The following CC2D2B variants were observed in gnomAD, a reference collection of about 807,000 sequenced individuals.
CC2D2B encodes the protein protein CC2D2B.
CC2D2B carries 128 observed loss-of-function variants against 161.2 expected under a neutral mutation model. That is an observed-to-expected ratio of 0.79 (90% CI 0.69 to 0.92). The LOEUF (loss-of-function observed/expected upper bound fraction) is 0.92, where lower values mean the gene tolerates loss of function less well. Ranked by LOEUF, CC2D2B falls within the 40% of genes least tolerant of loss-of-function variation. CC2D2B has a pLI of 0.00. For missense variants in CC2D2B, 1,173 were observed against 1,375.1 expected (o/e 0.85, Z 2.32); for synonymous variants, 391 against 449.8 (o/e 0.87, Z 1.65).
chr10:96,019,123 A>G, intron 30 of CC2D2B, 80 bp from the exon 31 acceptor site: 1 of 1,250,998 alleles, frequency 8.0e-7, no homozygotes, highest in African/African-American at 1.5e-5. Flanking sequence ...GGCTTTAAAA[A>G]TTAGAATCAT....
intron 12 of CC2D2B, among the ~76,000 whole-genome samples, chr10:95,963,697 A>G (rs2076845282): frequency 6.6e-6 from 1 of 152,214 alleles, no homozygotes; most frequent in African/African-American, 2.4e-5. Context: ...CCCAGAGGCA[A>G]GGAAACAGGA....
rs780557061 is a variant in CC2D2B at position 96,027,297 on chromosome 10, C to G, written c.4033C>G (p.Arg1345Gly). 13 of 1,551,098 alleles carry G rather than the reference C, an allele frequency of 8.4e-6. No homozygotes were observed. The Admixed American group carries it at 1.2e-4, about 14-fold the overall frequency. Residue 1345 changes from arginine to glycine, a missense_variant, in exon 34 of 35, where the codon CGA becomes GGA. Arg to Gly is a moderately radical substitution (Grantham distance 125). Coordinates refer to ENST00000646931, the MANE Select transcript of CC2D2B (RefSeq NM_001349008.3). ...GAATCGACAGTGTACTTTTATTTTG[C>G]GACAAATCCTTCCTAAGCTGGAATT... ...HWNRQCTFIL[R>G]QILPKLEFGI...
intron 34 of CC2D2B, among the ~76,000 whole-genome samples, chr10:96,029,812 G>T (rs2079989174): frequency 9.2e-6 from 1 of 108,632 alleles, no homozygotes; most frequent in Non-Finnish European, 1.9e-5. Flanking sequence ...TTTTATTGTT[G>T]TTTTGTTTTT....
intron 10 of CC2D2B, among the ~76,000 whole-genome samples, chr10:95,952,020 G>T (rs1464164666): frequency 6.6e-6 from 1 of 152,138 alleles, no homozygotes; most frequent in Non-Finnish European, 1.5e-5. Flanking sequence ...GAGCAGTGGG[G>T]AAGAGAAGAA....
chr10:96,031,389 G>A (rs140158545), intron 34 of CC2D2B, among the ~76,000 whole-genome samples: 11 of 152,308 alleles, frequency 7.2e-5, no homozygotes, highest in Non-Finnish European at 1.6e-4. Context: ...ATGGGACCAT[G>A]TTCCACAATC....
At chr10:95,978,292 C>G (rs2077390911) in intron 17 of CC2D2B, among the ~76,000 whole-genome samples, 1 of 152,178 alleles carries the variant, frequency 6.6e-6, no homozygotes, top group Admixed American at 6.5e-5. Context: ...TCAAATATTA[C>G]TTCTTCCCCA....
intron 1 of CC2D2B, among the ~76,000 whole-genome samples, chr10:95,909,387 G>A (rs959885545): frequency 6.6e-6 from 1 of 152,148 alleles, no homozygotes; most frequent in Admixed American, 6.5e-5. Flanking sequence ...CATCATAACT[G>A]TGAATGAGAC....
intron 21 of CC2D2B, 98 bp from the exon 22 acceptor site, chr10:95,992,429 G>C (rs2077993917): frequency 4.3e-6 from 4 of 940,264 alleles, no homozygotes; most frequent in Non-Finnish European, 4.2e-6. Flanking sequence ...AGAGAATATG[G>C]TTTAGAATAA....
intron 33 of CC2D2B, among the ~76,000 whole-genome samples, chr10:96,025,174 T>TTAA (rs2079669554): frequency 6.6e-5 from 1 of 15,100 alleles, no homozygotes; most frequent in Admixed American, 9.0e-4. Context: ...TATATATATA[T>TTAA]ATATATATAT....
At chr10:96,002,674 T>C (rs1383718216) in intron 24 of CC2D2B, among the ~76,000 whole-genome samples, 1 of 152,314 alleles carries the variant, frequency 6.6e-6, no homozygotes, top group South Asian at 2.1e-4. Context: ...AGCTAGTTAT[T>C]TTATCACTAG....
At chr10:95,978,954 T>C (rs2141566414) in intron 17 of CC2D2B, among the ~76,000 whole-genome samples, 1 of 152,374 alleles carries the variant, frequency 6.6e-6, no homozygotes, top group Non-Finnish European at 1.5e-5. Flanking sequence ...TTATTAGTTT[T>C]CATTTGCTTT....
At chr10:95,977,343 C>G (rs1466527456) in intron 17 of CC2D2B, among the ~76,000 whole-genome samples, 1 of 152,250 alleles carries the variant, frequency 6.6e-6, no homozygotes, top group East Asian at 1.9e-4. Context: ...CCATTGCACT[C>G]CAGCCTGGTG....
chr10:95,908,896 T>C (rs2098501073), intron 1 of CC2D2B, among the ~76,000 whole-genome samples: 1 of 152,010 alleles, frequency 6.6e-6, no homozygotes, highest in East Asian at 1.9e-4. Flanking sequence ...TGGTGTGTGT[T>C]AGATGTAAAT....
intron 15 of CC2D2B, among the ~76,000 whole-genome samples, chr10:95,969,116 A>G (rs2141476210): frequency 6.7e-6 from 1 of 148,410 alleles, no homozygotes; most frequent in Non-Finnish European, 1.5e-5. Flanking sequence ...TGTTCCAAAT[A>G]CTCGTCTCCT....
chr10:96,031,709 A>C (rs1481759718), intron 34 of CC2D2B, 111 bp from the exon 35 acceptor site: 1 of 937,246 alleles, frequency 1.1e-6, no homozygotes, highest in Non-Finnish European at 1.7e-6. Flanking sequence ...CAACTATTAT[A>C]GTATTTTATG....
At chr10:95,945,898 C>T (rs554168336) in intron 9 of CC2D2B, among the ~76,000 whole-genome samples, 1 of 150,492 alleles carries the variant, frequency 6.6e-6, no homozygotes, top group Non-Finnish European at 1.5e-5. Context: ...ACTTCTCCTG[C>T]CTTAGCCTCC....
At chr10:95,945,010 A>T (rs2076147980) in intron 9 of CC2D2B, among the ~76,000 whole-genome samples, 1 of 152,218 alleles carries the variant, frequency 6.6e-6, no homozygotes, top group South Asian at 2.1e-4. Flanking sequence ...AGGTGCTCTT[A>T]TAAAGGGGCT....
intron 6 of CC2D2B, among the ~76,000 whole-genome samples, chr10:95,933,837 C>A (rs374424819): frequency 2.6e-4 from 40 of 152,276 alleles, no homozygotes; most frequent in African/African-American, 9.4e-4. Context: ...GGAAGTGTCT[C>A]CCAGTCAGGA....
At position 96,032,076 on chromosome 10, in the gene CC2D2B, C is replaced by G. The variant is rs1244516353; in HGVS notation, c.*68C>G. ...AGTACCAACAAAAACTTTTCTGGTACCTTGAGATTTTGCTGTTTATTCTCA... is the reference window on the plus strand; with the variant it reads ...AGTACCAACAAAAACTTTTCTGGTAGCTTGAGATTTTGCTGTTTATTCTCA... On this transcript the variant is annotated 3_prime_UTR_variant, in exon 35 of 35. Coordinates refer to ENST00000646931, the MANE Select transcript of CC2D2B (RefSeq NM_001349008.3). The G allele has an allele frequency of 8.1e-7, 1 of 1,242,210 alleles. No homozygotes were observed. Among genetic ancestry groups the G allele is most frequent in the Non-Finnish European group, 1.1e-6 (1 of 892,904 alleles). The allele number at this position is 1,242,210 out of a possible 1,614,324, so 76.9% of individuals were successfully genotyped here. A position where few individuals can be genotyped will look rare whatever the true frequency, so the allele number is the denominator to read the frequency against.
Sources: allele counts gnomAD v4.1 joint callset (sites outside exome capture counted in the v4.1 genomes callset), GRCh38; gene constraint gnomAD v4.1.1; transcripts MANE v1.5; gene names NCBI Gene and HGNC (gene_info 2026-07-23, HGNC 2026-07-21).